Variants in PKN3 observed in about 807,000 individuals in gnomAD.
The protein encoded by PKN3 is protein kinase N3.
A neutral mutation model predicts 113.1 loss-of-function variants in PKN3; 91 were observed. The ratio of observed to expected loss-of-function variants is 0.80; its 90% CI spans 0.68 to 0.96. The LOEUF (loss-of-function observed/expected upper bound fraction) is 0.96, where lower values mean the gene tolerates loss of function less well. Ranked by LOEUF, PKN3 falls within the 40% of genes least tolerant of loss-of-function variation. The pLI is 0.00. For synonymous variants in PKN3, 467 were observed against 499.0 expected, an observed-to-expected ratio of 0.94 and a Z score of 0.85; for missense variants, 1,052 against 1,202.2, an observed-to-expected ratio of 0.88 and a Z score of 1.85.
chr9:128,706,778 G>T lies in PKN3; in HGVS notation c.477G>T (p.Leu159=), dbSNP rs200049812. The change falls in exon 4 of 22, where the codon CTG becomes CTT. Residue 159 remains leucine, a synonymous_variant. Coordinates refer to ENST00000291906, the MANE Select transcript of PKN3 (RefSeq NM_013355.5). ...ACAGCCAGCTGAAGGTGGCCCTGCT[G>T]CGGATGAAGATCAGCAGCCTGGAGG... ...LRDSQLKVAL[L]RMKISSLEAS... 3.5e-5 allele frequency: 56 copies of T among 1,610,356 alleles called. No homozygotes were observed. In the East Asian group the frequency reaches 1.1e-3, roughly 32 times the overall value.
At chr9:128,717,777 T>C (rs1862388312) in intron 16 of PKN3, among the ~76,000 whole-genome samples, 1 of 147,334 alleles carries the variant, frequency 6.8e-6, no homozygotes, top group Non-Finnish European at 1.5e-5. Context: ...CCCCACACTT[T>C]GGGAGGCTGA....
At chr9:128,702,988 T>G in intron 1 of PKN3, 49 bp downstream of exon 1, 1 of 1,277,988 alleles carries the variant, frequency 7.8e-7, no homozygotes, top group Non-Finnish European at 1.0e-6. Context: ...CGAGAAAGCC[T>G]CTGTCATCGC....
Position 128,702,896 on chromosome 9 carries a change from C to T in PKN3, c.-20C>T. 1.3e-6 allele frequency: 2 copies of T among 1,482,760 alleles called. No homozygotes were observed. The highest frequency in any genetic ancestry group is 1.8e-6 in the Non-Finnish European group (2 of 1,117,236). 91.9% of individuals were successfully genotyped at this position (1,482,760 alleles called of 1,614,324 possible). On this transcript the variant is annotated 5_prime_UTR_variant, in exon 1 of 22. Coordinates refer to ENST00000291906, the MANE Select transcript of PKN3 (RefSeq NM_013355.5). ...ACCGGAGTGGCTGAGAGAAGGGCCCCAAGCGGCCGGAGCGGCGCCATGGAG... is the reference window on the plus strand; with the variant it reads ...ACCGGAGTGGCTGAGAGAAGGGCCCTAAGCGGCCGGAGCGGCGCCATGGAG...
In PKN3 at chr9:128,720,556, G is replaced by C; in HGVS notation, c.2620G>C (p.Ala874Pro). ...CAGCCTCCTCACTGCCCGCCAACAG[G>C]CCGCCTTCCGGGACTTCGACTTTGT... ...PHSLLTARQQ[A>P]AFRDFDFVSE... Residue 874 changes from alanine to proline, a missense_variant, in exon 22 of 22, where the codon GCC becomes CCC. Transcript: ENST00000291906. The surrounding 1 kb of genome is among the most constrained non-coding windows in gnomAD (Gnocchi z 5.5). The C allele has an allele frequency of 6.2e-7, 1 of 1,613,470 alleles. No individual in the cohort carries two copies. Among genetic ancestry groups the C allele is most frequent in the Non-Finnish European group, 8.5e-7 (1 of 1,180,010 alleles).
Position 128,720,172 on chromosome 9 carries a change from G to A in PKN3, c.2377-31G>A, listed in dbSNP as rs1564379572. On this transcript the variant is annotated intron_variant, in intron 20 of 21. Coordinates refer to ENST00000291906, the MANE Select transcript of PKN3 (RefSeq NM_013355.5). This position sits in a 1 kb window ranked among gnomAD's most constrained non-coding sequence, Gnocchi z 5.5. ...ATGATGGCAGTGCCTGGGGCTGAAT[G>A]CCCTAAGTGAGCGCCTGTCCTATTG... 6 of 1,603,702 alleles carry A rather than the reference G, an allele frequency of 3.7e-6. No individual in the cohort carries two copies. The highest frequency in any genetic ancestry group is 5.1e-6 in the Non-Finnish European group (6 of 1,172,368).
At chr9:128,707,451 G>A in intron 6 of PKN3, 46 bp downstream of exon 6, 1 of 1,511,576 alleles carries the variant, frequency 6.6e-7, no homozygotes, top group South Asian at 1.2e-5. Context: ...TCTTTTTGGG[G>A]GGAGGCCGGA....
chr9:128,718,313 C>A lies in PKN3; in HGVS notation c.1986-12C>A. ...GTCTTGGGCCTGAGTTCTCCCATAA[C>A]CACCCCTGCAGCTTCTACGTGGCTT... On this transcript the variant is annotated splice_polypyrimidine_tract_variant and intron_variant, in intron 16 of 21. Coordinates refer to ENST00000291906, the MANE Select transcript of PKN3 (RefSeq NM_013355.5). The A allele has an allele frequency of 6.2e-7, 1 of 1,613,288 alleles. No individual in the cohort carries two copies. The highest frequency in any genetic ancestry group is 8.5e-7 in the Non-Finnish European group (1 of 1,179,342).
At chr9:128,717,392 T>C (rs2132328416) in intron 16 of PKN3, among the ~76,000 whole-genome samples, 1 of 151,544 alleles carries the variant, frequency 6.6e-6, no homozygotes, top group African/African-American at 2.4e-5. Context: ...CCTTCCAAAG[T>C]GCTGAGATTA....
intron 6 of PKN3, among the ~76,000 whole-genome samples, chr9:128,710,977 C>T (rs967888571): frequency 6.9e-6 from 1 of 145,188 alleles, no homozygotes; most frequent in African/African-American, 2.5e-5. Context: ...TTGAGTTGTC[C>T]TTTTTTTTTT....
At chr9:128,709,767 T>G (rs918567015) in intron 6 of PKN3, 2 of 143,724 alleles carry the variant, frequency 1.4e-5, no homozygotes, top group African/African-American at 2.6e-5. Context: ...AAAAAAAAAA[T>G]TTGCAAAAAT....
At position 128,718,620 on chromosome 9, in the gene PKN3, A is replaced by G. The variant is rs1185233034; in HGVS notation, c.2120A>G (p.Lys707Arg). The change falls in exon 18 of 22, where the codon AAG becomes AGG. Residue 707 changes from lysine to arginine, a missense_variant. Transcript: ENST00000291906. Reference protein sequence around the residue: ...FLKIADFGLCKEGIGFGDRTS... With the variant: ...FLKIADFGLCREGIGFGDRTS... ...AAGATCGCAGACTTTGGACTCTGCA[A>G]GGAAGGTGGGGGCCGCCCATTGGGA... 2 of 1,613,898 alleles carry G rather than the reference A, an allele frequency of 1.2e-6. No homozygotes were observed. The highest frequency in any genetic ancestry group is 1.3e-5 in the African/African-American group (1 of 74,912).
chr9:128,715,011 G>A lies in PKN3; in HGVS notation c.1652+146G>A. ...TGATTTACTAAACCCACATTATTGA[G>A]CTCCAGCTCTATGCCGGCTTCTAGG... On this transcript the variant is annotated intron_variant, in intron 13 of 21. Transcript: ENST00000291906. The surrounding 1 kb of genome is among the most constrained non-coding windows in gnomAD (Gnocchi z 4.1). 9.4e-7 allele frequency: 1 copy of A among 1,069,094 alleles called. No homozygotes were observed. The highest frequency in any genetic ancestry group is 1.4e-6 in the Non-Finnish European group (1 of 702,486). 66.2% of individuals were successfully genotyped at this position (1,069,094 alleles called of 1,614,324 possible).
Position 128,714,573 on chromosome 9 carries a change from C to A in PKN3, c.1493C>A (p.Pro498His). ...SDPATPSNFL[P>H]KKTPLGEEMT... is the part of the protein sequence containing the mutation. ...CTTTCTCCCTACAGTAATTTCCTGC[C>A]CAAGAAGACCCCCTTGGGTGAAGAG... Residue 498 changes from proline (P) to histidine (H), a missense_variant, in exon 12 of 22, where the codon CCC becomes CAC. Pro to His is a moderately conservative substitution (Grantham distance 77). Coordinates refer to ENST00000291906, the MANE Select transcript of PKN3 (RefSeq NM_013355.5). The A allele has an allele frequency of 8.0e-7, 1 of 1,253,914 alleles. No homozygotes were observed. Among genetic ancestry groups the A allele is most frequent in the Non-Finnish European group, 1.2e-6 (1 of 850,910 alleles). The allele number at this position is 1,253,914 out of a possible 1,614,324, so 77.7% of individuals were successfully genotyped here.
chr9:128,706,806 A>T lies in PKN3; in HGVS notation c.505A>T (p.Ser169Cys). The T allele has an allele frequency of 6.2e-7, 1 of 1,610,678 alleles. No homozygotes were observed. The highest frequency in any genetic ancestry group is 2.2e-5 in the East Asian group (1 of 44,780). Residue 169 changes from serine to cysteine, a missense_variant, in exon 4 of 22, where the codon AGT becomes TGT. Coordinates refer to ENST00000291906, the MANE Select transcript of PKN3 (RefSeq NM_013355.5). ...LRMKISSLEA[S>C]GSPEPGPELL... ...GATGAAGATCAGCAGCCTGGAGGCC[A>T]GTGGGTCCCCGGAGCCAGGTGAGGC...
rs1861985261 is a variant in PKN3 at position 128,705,516 on chromosome 9, C to T, written c.238C>T (p.Leu80=). The T allele has an allele frequency of 3.9e-6, 6 of 1,556,750 alleles. No individual in the cohort carries two copies. The highest frequency in any genetic ancestry group is 4.3e-6 in the Non-Finnish European group (5 of 1,151,034). The change falls in exon 2 of 22, where the codon CTG becomes TTG. Residue 80 remains leucine (L), a synonymous_variant. Transcript: ENST00000291906. The part of the protein sequence containing the change: ...ELRELHARIL[L]PGPGPGPAEP... ...GCGGGAGCTGCACGCCCGAATCCTG[C>T]TGCCCGGCCCTGGGCCTGGCCCAGC...
At chr9:128,703,984 A>G in intron 1 of PKN3, 1 of 985,434 alleles carries the variant, frequency 1.0e-6, no homozygotes, top group Non-Finnish European at 1.2e-6. Context: ...CCTGTGGCCT[A>G]GGGCGGTCAG....
At chr9:128,705,642 T>G in intron 2 of PKN3, 92 bp from the exon 3 acceptor site, 1 of 1,540,754 alleles carries the variant, frequency 6.5e-7, no homozygotes, top group African/African-American at 1.4e-5. Context: ...CCTCATTTCC[T>G]GCCTATAGAT....
chr9:128,705,625 G>A (rs1277084200), intron 2 of PKN3, 82 bp downstream of exon 2: 9 of 1,541,430 alleles, frequency 5.8e-6, no homozygotes, highest in African/African-American at 4.1e-5. Flanking sequence ...CCACTGTGGC[G>A]AGACCACCTC....
chr9:128,707,226 A>G lies in PKN3; in HGVS notation c.656A>G (p.Gln219Arg). Residue 219 changes from glutamine to arginine, a missense_variant, in exon 6 of 22, where the codon CAG becomes CGG. Around this residue, in one of 2 missense-constraint regions of PKN3, gnomAD observed 719 missense variants for 759.4 expected, o/e 0.95. Coordinates refer to ENST00000291906, the MANE Select transcript of PKN3 (RefSeq NM_013355.5). ...TCTACGTTGTCCCCTCTGCAGGCCC[A>G]GGCCCAGCTACAGGAGTCCTCTCAG... ...TQDRKALAEA[Q>R]AQLQESSQKL... 1 of 1,604,428 alleles carries G rather than the reference A, an allele frequency of 6.2e-7. No individual in the cohort carries two copies. The highest frequency in any genetic ancestry group is 8.5e-7 in the Non-Finnish European group (1 of 1,173,044).
Sources: gnomAD v4.1 joint callset for allele counts (sites outside exome capture counted in the v4.1 genomes callset) on GRCh38, gnomAD v4.1.1 for gene constraint, gnomAD v4.1.1 regional missense constraint, Gnocchi (gnomAD v3.1) non-coding constraint, MANE v1.5 for transcripts, NCBI Gene and HGNC (gene_info 2026-07-23, HGNC 2026-07-21) for gene names.